LTBP1: variants seen among roughly 807,000 people sequenced by gnomAD.
LTBP1 encodes the protein latent transforming growth factor beta binding protein 1.
LTBP1 carries 129 observed loss-of-function variants against 207.6 expected under a neutral mutation model. The ratio of observed to expected loss-of-function variants is 0.62; its 90% CI spans 0.54 to 0.72. LTBP1 has a LOEUF of 0.72. LTBP1 is among the 30% of genes least tolerant of loss of function. The pLI, the probability that LTBP1 is intolerant of heterozygous loss-of-function variation, is 0.00. For missense variants in LTBP1, 2,281 were observed against 2,217.2 expected (o/e 1.03, Z -0.58); for synonymous variants, 963 against 833.7 (o/e 1.16, Z -2.67).
intron 31 of LTBP1, among the ~76,000 whole-genome samples, chr2:33,388,880 A>C (rs2095290604): frequency 6.6e-6 from 1 of 152,100 alleles, no homozygotes; most frequent in African/African-American, 2.4e-5. Context: ...GGCCTGAAGC[A>C]CTCTCAGATG....
chr2:33,068,883 A>T (rs1256422601), intron 3 of LTBP1, among the ~76,000 whole-genome samples: 2 of 152,210 alleles, frequency 1.3e-5, no homozygotes, highest in Admixed American at 1.3e-4. Flanking sequence ...CTTTTGGCCC[A>T]CAACTAAAAT....
At chr2:33,122,595 A>G (rs181854604) in intron 4 of LTBP1, among the ~76,000 whole-genome samples, 1 of 152,332 alleles carries the variant, frequency 6.6e-6, no homozygotes, top group Non-Finnish European at 1.5e-5. Flanking sequence ...TTGAACAGTA[A>G]GTATCTGGAA....
chr2:33,046,683 A>G (rs1198224716), intron 3 of LTBP1, among the ~76,000 whole-genome samples: 9 of 152,120 alleles, frequency 5.9e-5, no homozygotes, highest in Admixed American at 5.9e-4. Context: ...TTTCAGAAGG[A>G]ATGGTACCAG....
chr2:33,191,899 T>C (rs1389369288), intron 7 of LTBP1, among the ~76,000 whole-genome samples: 1 of 152,220 alleles, frequency 6.6e-6, no homozygotes, highest in Non-Finnish European at 1.5e-5. Flanking sequence ...ATAGCCCTTG[T>C]TTCTGTGGCA....
intron 2 of LTBP1, among the ~76,000 whole-genome samples, chr2:32,998,244 A>G (rs1186379598): frequency 1.3e-5 from 2 of 152,092 alleles, no homozygotes; most frequent in African/African-American, 4.8e-5. Flanking sequence ...TTGGCTGAGC[A>G]CGGTGGCTCA....
At chr2:33,075,970 A>AC (rs1169350520) in intron 3 of LTBP1, among the ~76,000 whole-genome samples, 4 of 152,234 alleles carry the variant, frequency 2.6e-5, no homozygotes, top group Non-Finnish European at 5.9e-5. Context: ...GCAAGAGTAG[A>AC]CACCAAAAGT....
At chr2:33,002,996 A>C (rs1686261394) in intron 2 of LTBP1, among the ~76,000 whole-genome samples, 1 of 152,190 alleles carries the variant, frequency 6.6e-6, no homozygotes, top group Non-Finnish European at 1.5e-5. Context: ...CCACTTTGGA[A>C]ACATCGCATT....
intron 2 of LTBP1, among the ~76,000 whole-genome samples, chr2:32,962,557 G>T (rs184895246): frequency 1.6e-4 from 24 of 152,346 alleles, no homozygotes; most frequent in Admixed American, 1.3e-3. Context: ...TCGAGTGGAA[G>T]ACCAGCTGAA....
chr2:33,354,723 CA>C (rs769692256), intron 26 of LTBP1, among the ~76,000 whole-genome samples: 3,058 of 137,478 alleles, frequency 0.022, 46 homozygotes, highest in Middle Eastern at 0.031. Context: ...CACACACACA[CA>C]CACACCATTG....
At chr2:33,003,671 A>G (rs895920240) in intron 2 of LTBP1, among the ~76,000 whole-genome samples, 2 of 152,220 alleles carry the variant, frequency 1.3e-5, no homozygotes, top group African/African-American at 2.4e-5. Flanking sequence ...AGGGGAGGCA[A>G]TGAGTGTAGC....
intron 2 of LTBP1, among the ~76,000 whole-genome samples, chr2:32,996,883 TTTTTG>T (rs1245385121): frequency 6.6e-6 from 1 of 152,004 alleles, no homozygotes; most frequent in African/African-American, 2.4e-5. Context: ...GTGGAACTTT[TTTTTG>T]TTTTGTTTTG....
chr2:33,103,407 G>A lies in LTBP1; in HGVS notation c.864-7175G>A, dbSNP rs558281918. On this transcript the variant is annotated intron_variant, in intron 3 of 33. Transcript: ENST00000404816. ...AGTCTGTATGCTGTATGCATTGTCT[G>A]TATGCATAGTTTGTATGCTGTATGC... is the stretch of plus-strand genomic sequence containing the variant. Among the ~76,000 whole-genome samples the A allele has an allele frequency of 6.6e-5, 10 of 152,334 alleles. No homozygotes were observed. In the East Asian group the frequency reaches 1.5e-3, roughly 23 times the overall value.
chr2:33,273,482 A>G (rs924333375), intron 15 of LTBP1, among the ~76,000 whole-genome samples, 174 bp from the exon 16 acceptor site: 6 of 152,230 alleles, frequency 3.9e-5, no homozygotes, highest in Non-Finnish European at 8.8e-5. Flanking sequence ...CTAATCCATT[A>G]TAAAGTAATC....
At chr2:33,396,534 G>A (rs1186541004) in intron 32 of LTBP1, among the ~76,000 whole-genome samples, 1 of 152,172 alleles carries the variant, frequency 6.6e-6, no homozygotes, top group Non-Finnish European at 1.5e-5. Context: ...CTAAACACAA[G>A]TATGATGTTC....
chr2:33,290,795 A>G (rs1019033990), intron 19 of LTBP1, among the ~76,000 whole-genome samples: 3 of 152,336 alleles, frequency 2.0e-5, no homozygotes, highest in South Asian at 2.1e-4. Context: ...AGGAGGGGTC[A>G]GTTTTGGCCA....
intron 4 of LTBP1, among the ~76,000 whole-genome samples, chr2:33,117,650 GT>G (rs2080828457): frequency 6.6e-6 from 1 of 152,200 alleles, no homozygotes; most frequent in Admixed American, 6.5e-5. Flanking sequence ...GGGCAAGAAC[GT>G]TGCTTAAAGG....
At chr2:33,329,106 A>C (rs1183533289) in intron 24 of LTBP1, among the ~76,000 whole-genome samples, 2 of 152,204 alleles carry the variant, frequency 1.3e-5, no homozygotes, top group African/African-American at 2.4e-5. Flanking sequence ...CCAGTTTTTC[A>C]GAGTACCAGT....
chr2:33,199,806 T>C (rs990926752), intron 7 of LTBP1, among the ~76,000 whole-genome samples: 1 of 151,856 alleles, frequency 6.6e-6, no homozygotes, highest in African/African-American at 2.4e-5. Context: ...TGTACAAAAA[T>C]CACAAGCATT....
At chr2:33,133,589 G>GGCAGGTCTGGGTGAA (rs1189199001) in intron 4 of LTBP1, among the ~76,000 whole-genome samples, 1 of 152,190 alleles carries the variant, frequency 6.6e-6, no homozygotes, top group Non-Finnish European at 1.5e-5. Context: ...AGCAGTGAAG[G>GGCAGGTCTGGGTGAA]GCAGGTCTGG....
Sources: allele counts gnomAD v4.1 joint callset (sites outside exome capture counted in the v4.1 genomes callset), GRCh38; gene constraint gnomAD v4.1.1; transcripts MANE v1.5; gene names NCBI Gene and HGNC (gene_info 2026-07-23, HGNC 2026-07-21).